Variants in PTN observed in about 807,000 individuals in gnomAD.
PTN encodes the protein heparin affin regulatory protein.
Under a neutral mutation model 24.1 loss-of-function variants are expected in PTN, and 18 were observed. The ratio of observed to expected loss-of-function variants is 0.75; its 90% CI spans 0.52 to 1.11. The LOEUF (loss-of-function observed/expected upper bound fraction) is 1.11, where lower values mean the gene tolerates loss of function less well. Among genes scored for constraint, PTN ranks in the 50% least tolerant of loss-of-function variants. PTN has a pLI of 0.00. For synonymous variants in PTN, 78 were observed against 68.6 expected (o/e 1.14, Z -0.67); for missense variants, 163 against 198.8 (o/e 0.82, Z 1.08).
Position 137,283,952 on chromosome 7 carries a change from A to ATTTTTTTTTTTT in PTN, c.-1-28990_-1-28979dup, listed in dbSNP as rs753374720. Among the ~76,000 whole-genome samples the ATTTTTTTTTTTT allele has an allele frequency of 5.7e-4, 28 of 48,922 alleles. 8 individuals carry two copies. The highest frequency in any genetic ancestry group is 1.9e-3 in the South Asian group (2 of 1,078). 32.1% of individuals were successfully genotyped at this position (48,922 alleles called of 152,430 possible). A position where few individuals can be genotyped will look rare whatever the true frequency, so the allele number is the denominator to read the frequency against. On this transcript the variant is annotated intron_variant, in intron 1 of 4. Coordinates refer to ENST00000348225, the MANE Select transcript of PTN (RefSeq NM_002825.7). ...AAATGAATGTGAAAATGAGCATCAG[A>ATTTTTTTTTTTT]TTTTTTTTTTTTTTTTTTTTTTTTT...
chr7:137,260,275 T>C (rs1200217760), intron 1 of PTN, among the ~76,000 whole-genome samples: 2 of 152,128 alleles, frequency 1.3e-5, no homozygotes, highest in Admixed American at 6.5e-5. Flanking sequence ...TCTCGTGAAA[T>C]AGTAATTTTC....
intron 3 of PTN, among the ~76,000 whole-genome samples, chr7:137,252,846 G>T (rs1808852317): frequency 6.7e-6 from 1 of 149,096 alleles, no homozygotes; most frequent in African/African-American, 2.6e-5. Context: ...GCCAGCATAA[G>T]ACTGACTCCA....
At chr7:137,254,268 A>C (rs528189855) in intron 2 of PTN, among the ~76,000 whole-genome samples, 3 of 151,306 alleles carry the variant, frequency 2.0e-5, no homozygotes, top group Non-Finnish European at 4.4e-5. Context: ...CTGCACTCCA[A>C]CCTGGTGACA....
At chr7:137,283,148 AG>A (rs1809499856) in intron 1 of PTN, among the ~76,000 whole-genome samples, 1 of 152,204 alleles carries the variant, frequency 6.6e-6, no homozygotes, top group African/African-American at 2.4e-5. Flanking sequence ...ATGGGTACTA[AG>A]GCACAGCAAG....
At chr7:137,291,106 T>C (rs1027894328) in intron 1 of PTN, among the ~76,000 whole-genome samples, 13 of 152,126 alleles carry the variant, frequency 8.5e-5, no homozygotes, top group African/African-American at 1.9e-4. Context: ...TTGTGATATA[T>C]ATTTATTCCC....
intron 4 of PTN, among the ~76,000 whole-genome samples, chr7:137,249,221 T>G (rs921171387): frequency 1.3e-5 from 2 of 151,844 alleles, no homozygotes; most frequent in Non-Finnish European, 2.9e-5. Context: ...TTTTCTCCCT[T>G]ATTATAAAGT....
intron 1 of PTN, among the ~76,000 whole-genome samples, chr7:137,280,541 A>T (rs1809449788): frequency 6.6e-6 from 1 of 151,176 alleles, no homozygotes; most frequent in Admixed American, 6.6e-5. Context: ...AGACACAAGC[A>T]AAGAGAGCAA....
chr7:137,316,753 G>A (rs1428434514), intron 1 of PTN, among the ~76,000 whole-genome samples: 1 of 152,186 alleles, frequency 6.6e-6, no homozygotes, highest in Admixed American at 6.5e-5. Flanking sequence ...GGCTGCCAGA[G>A]CATTACCTTT....
chr7:137,236,364 A>T, intron 4 of PTN: 2 of 678,788 alleles, frequency 2.9e-6, no homozygotes, highest in South Asian at 3.2e-5. Context: ...GCGTGTTGGG[A>T]TCAGTCCCTG....
chr7:137,311,597 C>A (rs1357659567), intron 1 of PTN, among the ~76,000 whole-genome samples: 2 of 152,174 alleles, frequency 1.3e-5, no homozygotes, highest in African/African-American at 4.8e-5. Context: ...ATTGTCCCAT[C>A]ATTGGGTTAC....
chr7:137,245,824 A>T (rs71541344), intron 4 of PTN, among the ~76,000 whole-genome samples: 13,432 of 152,236 alleles, frequency 0.088, 881 homozygotes, highest in Middle Eastern at 0.14. Flanking sequence ...AAAAAGTTTT[A>T]AAAAATTAAA....
intron 1 of PTN, among the ~76,000 whole-genome samples, chr7:137,295,045 C>A (rs770022662): frequency 6.6e-6 from 1 of 152,088 alleles, no homozygotes; most frequent in Non-Finnish European, 1.5e-5. Context: ...TCCTGTCTAA[C>A]ACAGTAGTCA....
chr7:137,331,455 A>T (rs960946551), intron 1 of PTN, among the ~76,000 whole-genome samples: 1 of 152,138 alleles, frequency 6.6e-6, no homozygotes. Flanking sequence ...CAGATACTAA[A>T]CGCATTTGAC....
At chr7:137,266,691 T>C (rs1279411125) in intron 1 of PTN, among the ~76,000 whole-genome samples, 3 of 151,674 alleles carry the variant, frequency 2.0e-5, no homozygotes, top group African/African-American at 7.3e-5. Flanking sequence ...ACTTTCTTTA[T>C]GTCTGTGGAC....
intron 1 of PTN, among the ~76,000 whole-genome samples, chr7:137,337,087 G>A (rs1394037287): frequency 6.6e-6 from 1 of 152,158 alleles, no homozygotes; most frequent in Non-Finnish European, 1.5e-5. Context: ...TATGTCCAGG[G>A]TCCTTGATTC....
At chr7:137,264,693 G>A (rs960075439) in intron 1 of PTN, among the ~76,000 whole-genome samples, 6 of 152,170 alleles carry the variant, frequency 3.9e-5, no homozygotes, top group South Asian at 2.1e-4. Flanking sequence ...AAACTTCGAC[G>A]GTTATGCAGG....
intron 4 of PTN, among the ~76,000 whole-genome samples, chr7:137,235,956 C>A (rs529717550): frequency 1.3e-5 from 2 of 152,144 alleles, no homozygotes; most frequent in African/African-American, 4.8e-5. Context: ...TTGTCCCCCC[C>A]ACTCACTTTG....
intron 1 of PTN, among the ~76,000 whole-genome samples, chr7:137,313,252 A>G (rs1387170924): frequency 6.6e-6 from 1 of 152,192 alleles, no homozygotes; most frequent in Non-Finnish European, 1.5e-5. Flanking sequence ...GAAAGGGAAA[A>G]GCAAAAAGCA....
chr7:137,295,473 T>C (rs926877278), intron 1 of PTN, among the ~76,000 whole-genome samples: 25 of 152,122 alleles, frequency 1.6e-4, no homozygotes, highest in African/African-American at 6.0e-4. Context: ...TTAAATCAAA[T>C]AGGCACTAGT....
Sources: allele counts gnomAD v4.1 joint callset (sites outside exome capture counted in the v4.1 genomes callset), GRCh38; gene constraint gnomAD v4.1.1; transcripts MANE v1.5; gene names NCBI Gene and HGNC (gene_info 2026-07-23, HGNC 2026-07-21).